The following CNNM2 variants were observed in gnomAD, a reference collection of about 807,000 sequenced individuals.
CNNM2 encodes cyclin and CBS domain divalent metal cation transport mediator 2.
A neutral mutation model predicts 66.9 loss-of-function variants in CNNM2; 12 were observed. The ratio of observed to expected loss-of-function variants is 0.18; its 90% confidence interval spans 0.11 to 0.29. CNNM2 has a LOEUF of 0.29. CNNM2 is among the 10% of genes least tolerant of loss of function. CNNM2 has a pLI of 1.00. For synonymous variants in CNNM2, 557 were observed against 501.8 expected (o/e 1.11, Z -1.47); for missense variants, 705 against 1,167.7 (o/e 0.60, Z 5.77).
chr10:103,083,414 CCCTTT>C lies in CNNM2; in HGVS notation c.*6236_*6240del, dbSNP rs1303113147. 2 of 152,200 alleles carry C rather than the reference CCCTTT, an allele frequency of 1.3e-5. No homozygotes were observed. Among genetic ancestry groups the C allele is most frequent in the Non-Finnish European group, 2.9e-5 (2 of 68,036 alleles). 9.4% of individuals were successfully genotyped at this position (152,200 alleles called of 1,614,324 possible). A position where few individuals can be genotyped will look rare whatever the true frequency, so the allele number is the denominator to read the frequency against. ...TGCTAGCAGATGTGTGTTCCCTCTTCCCTTTCATCTGTGCAACACCAACCATGCCA... is the reference window on the plus strand; with the variant it reads ...TGCTAGCAGATGTGTGTTCCCTCTTCCATCTGTGCAACACCAACCATGCCA... On this transcript the variant is annotated 3_prime_UTR_variant, in exon 8 of 8. Transcript: ENST00000369878.
chr10:102,977,272 A>G (rs996791195), intron 1 of CNNM2, among the ~76,000 whole-genome samples: 4 of 152,086 alleles, frequency 2.6e-5, no homozygotes, highest in African/African-American at 9.7e-5. Context: ...AGGTTTTGGT[A>G]TATTTGCATT....
At chr10:102,933,505 C>T (rs1014892945) in intron 1 of CNNM2, among the ~76,000 whole-genome samples, 1 of 152,134 alleles carries the variant, frequency 6.6e-6, no homozygotes, top group African/African-American at 2.4e-5. Flanking sequence ...TGTTAGGTGA[C>T]AAATGGTTCT....
At chr10:103,051,825 G>T (rs1226050979) in intron 2 of CNNM2, among the ~76,000 whole-genome samples, 1 of 152,152 alleles carries the variant, frequency 6.6e-6, no homozygotes, top group Non-Finnish European at 1.5e-5. Context: ...TTCTGAAAAC[G>T]TATCCTGTTT....
intron 1 of CNNM2, among the ~76,000 whole-genome samples, chr10:103,003,260 C>T (rs929447773): frequency 5.3e-5 from 8 of 151,914 alleles, no homozygotes; most frequent in African/African-American, 1.7e-4. Flanking sequence ...ATTACACGCA[C>T]GAGCCACCAT....
In CNNM2 at chr10:103,080,652, T is replaced by C. The variant is rs1207007757; in HGVS notation, c.*3472T>C. ...TGACTTCAAGGAACAGTGCAAATGTTGAATGCAGAGCTTCACACTAATACG... is the reference window on the plus strand; with the variant it reads ...TGACTTCAAGGAACAGTGCAAATGTCGAATGCAGAGCTTCACACTAATACG... On this transcript the variant is annotated 3_prime_UTR_variant, in exon 8 of 8. Coordinates refer to ENST00000369878, the MANE Select transcript of CNNM2 (RefSeq NM_017649.5). 2 of 152,184 alleles carry C rather than the reference T, an allele frequency of 1.3e-5. No individual in the cohort carries two copies. Among genetic ancestry groups the C allele is most frequent in the African/African-American group, 4.8e-5 (2 of 41,456 alleles). The allele number at this position is 152,184 out of a possible 1,614,324, so 9.4% of individuals were successfully genotyped here.
At chr10:102,923,162 T>C (rs1445326180) in intron 1 of CNNM2, among the ~76,000 whole-genome samples, 1 of 152,094 alleles carries the variant, frequency 6.6e-6, no homozygotes, top group Admixed American at 6.6e-5. Context: ...AAGGTCTCAC[T>C]GTGTTGCCCA....
At position 102,946,316 on chromosome 10, in the gene CNNM2, G is replaced by A. The variant is rs116990944; in HGVS notation, c.1621+26215G>A. ...AGAGGCAGAAAGGTTGTGTTTGGGA[G>A]AATTGTGAGCAGTTGATTTGACTGG... On this transcript the variant is annotated intron_variant, in intron 1 of 7. Coordinates refer to ENST00000369878, the MANE Select transcript of CNNM2 (RefSeq NM_017649.5). Among the ~76,000 whole-genome samples the A allele has an allele frequency of 8.8e-4, 134 of 152,290 alleles. 2 individuals carry two copies. In the East Asian group the frequency reaches 0.025, roughly 29 times the overall value.
intron 1 of CNNM2, among the ~76,000 whole-genome samples, chr10:102,958,943 T>C (rs1847151602): frequency 6.6e-6 from 1 of 151,936 alleles, no homozygotes; most frequent in African/African-American, 2.4e-5. Flanking sequence ...ATCATTTTAT[T>C]TTATTTATTA....
chr10:102,999,361 C>T (rs555745185), intron 1 of CNNM2, among the ~76,000 whole-genome samples: 20 of 151,430 alleles, frequency 1.3e-4, no homozygotes, highest in Admixed American at 2.6e-4. Context: ...TGATTACAGG[C>T]GTGAGCCACT....
Position 103,088,227 on chromosome 10 carries a change from G to A in CNNM2, c.*11047G>A, listed in dbSNP as rs1038327287. ...CCCCTATTGACCAATGACAAGAATG[G>A]AAGAAAATATACAATGGTTAAAGAA... On this transcript the variant is annotated 3_prime_UTR_variant, in exon 8 of 8. Coordinates refer to ENST00000369878, the MANE Select transcript of CNNM2 (RefSeq NM_017649.5). The A allele has an allele frequency of 1.3e-5, 2 of 152,140 alleles. No homozygotes were observed. Among genetic ancestry groups the A allele is most frequent in the African/African-American group, 4.8e-5 (2 of 41,420 alleles). 9.4% of individuals were successfully genotyped at this position (152,140 alleles called of 1,614,324 possible).
chr10:102,989,559 T>C (rs1164832239), intron 1 of CNNM2, among the ~76,000 whole-genome samples: 4 of 152,028 alleles, frequency 2.6e-5, no homozygotes, highest in Non-Finnish European at 1.5e-5. Flanking sequence ...TCCCAGCACT[T>C]TGGGAGGCTG....
chr10:102,998,827 C>T (rs911429533), intron 1 of CNNM2, among the ~76,000 whole-genome samples: 1 of 151,950 alleles, frequency 6.6e-6, no homozygotes, highest in African/African-American at 2.4e-5. Context: ...AAAAGACAAA[C>T]AAAAAAACCT....
At chr10:102,927,724 C>CAA (rs1409338885) in intron 1 of CNNM2, 1 of 275,856 alleles carries the variant, frequency 3.6e-6, no homozygotes, top group Non-Finnish European at 6.9e-6. Flanking sequence ...GAGATCACGT[C>CAA]ACTGGACGAC....
At position 103,058,444 on chromosome 10, in the gene CNNM2, A is replaced by G. The variant is rs987343928; in HGVS notation, c.2073+1480A>G. 3.9e-5 allele frequency among the ~76,000 whole-genome samples: 6 copies of G among 152,170 alleles called. No homozygotes were observed. In the East Asian group the frequency reaches 1.2e-3, roughly 29 times the overall value. On this transcript the variant is annotated intron_variant, in intron 4 of 7. Transcript: ENST00000369878. Reference sequence around the variant, plus strand: ...GTGAATTTTAGTGTTAATATTAGAAACTGTGGTTTTCAGTTGTCTACTTTT... The same window carrying G: ...GTGAATTTTAGTGTTAATATTAGAAGCTGTGGTTTTCAGTTGTCTACTTTT...
intron 1 of CNNM2, chr10:102,921,090 T>G (rs1158106512): frequency 2.1e-6 from 2 of 969,252 alleles, no homozygotes; most frequent in Non-Finnish European, 2.5e-6. Flanking sequence ...CATTTATATT[T>G]GTTCGTTTGA....
intron 1 of CNNM2, among the ~76,000 whole-genome samples, chr10:102,976,885 G>A (rs1356267590): frequency 2.0e-5 from 3 of 151,960 alleles, no homozygotes; most frequent in South Asian, 4.2e-4. Context: ...TTTGTTGAAT[G>A]AATAAACAGG....
Position 102,920,009 on chromosome 10 carries a change from C to A in CNNM2, c.1529C>A (p.Pro510His). 1 of 1,614,204 alleles carries A rather than the reference C, an allele frequency of 6.2e-7. No individual in the cohort carries two copies. The highest frequency in any genetic ancestry group is 8.5e-7 in the Non-Finnish European group (1 of 1,180,036). Residue 510 changes from proline (P) to histidine (H), a missense_variant, in exon 1 of 8, where the codon CCC (proline) becomes CAC (histidine). By Grantham distance (77) the Pro-to-His change is moderately conservative. This residue lies in a region of CNNM2 where 171 missense variants were observed against 304.8 expected (regional missense o/e 0.56). Transcript: ENST00000369878. ...TTCGTGGATCCCGATGACTGTACCC[C>A]CCTGAAAACCATCACCAAATTTTAT... ...LAFVDPDDCT[P>H]LKTITKFYNH...
At chr10:102,948,065 AC>A (rs1280865527) in intron 1 of CNNM2, among the ~76,000 whole-genome samples, 1 of 150,964 alleles carries the variant, frequency 6.6e-6, no homozygotes, top group Non-Finnish European at 1.5e-5. Flanking sequence ...AAACAAAAAA[AC>A]AAACACAAAC....
chr10:102,943,910 A>G (rs1427229327), intron 1 of CNNM2, among the ~76,000 whole-genome samples: 1 of 152,066 alleles, frequency 6.6e-6, no homozygotes, highest in East Asian at 1.9e-4. Context: ...TTTAATACCT[A>G]GTTACAATTC....
Sources: allele counts gnomAD v4.1 joint callset (sites outside exome capture counted in the v4.1 genomes callset), GRCh38; gene constraint gnomAD v4.1.1; regional missense constraint gnomAD v4.1.1; transcripts MANE v1.5; gene names NCBI Gene and HGNC (gene_info 2026-07-23, HGNC 2026-07-21).